CCNY: variants seen among roughly 807,000 people sequenced by gnomAD.
The protein encoded by CCNY is cyclin Y.
CCNY carries 19 observed loss-of-function variants against 42.8 expected under a neutral mutation model. That is an observed-to-expected ratio of 0.44 (90% CI 0.31 to 0.65). The LOEUF is 0.65. CCNY is among the 30% of genes least tolerant of loss of function. The pLI is 0.07. For missense variants in CCNY, 370 were observed against 437.3 expected, an observed-to-expected ratio of 0.85 and a Z score of 1.37; for synonymous variants, 165 against 162.7, an observed-to-expected ratio of 1.01 and a Z score of -0.11.
intron 8 of CCNY, among the ~76,000 whole-genome samples, chr10:35,563,223 A>G (rs1477461730): frequency 1.3e-5 from 2 of 152,108 alleles, no homozygotes; most frequent in Non-Finnish European, 2.9e-5. Context: ...ATTTTTTGAA[A>G]ATACAACAGC....
chr10:35,287,909 G>A (rs1056102979), intron 3 of CCNY, among the ~76,000 whole-genome samples: 1 of 151,920 alleles, frequency 6.6e-6, no homozygotes, highest in Non-Finnish European at 1.5e-5. Flanking sequence ...AGCCACCTCG[G>A]CCTCCCAAAG....
In CCNY at chr10:35,566,203, A is replaced by G; in HGVS notation, c.909+18A>G. On this transcript the variant is annotated intron_variant, in intron 9 of 9. Transcript: ENST00000374704. Reference sequence around the variant, plus strand: ...AGCTTGAGGTAAGATGGTTTAAAACAGCGTTTTGTGGTGCAGTGTTGCCAA... The same window carrying G: ...AGCTTGAGGTAAGATGGTTTAAAACGGCGTTTTGTGGTGCAGTGTTGCCAA... The G allele has an allele frequency of 6.2e-7, 1 of 1,608,796 alleles. No individual in the cohort carries two copies. The highest frequency in any genetic ancestry group is 8.5e-7 in the Non-Finnish European group (1 of 1,177,872).
chr10:35,510,727 T>C (rs1323628124), intron 3 of CCNY, among the ~76,000 whole-genome samples: 1 of 152,226 alleles, frequency 6.6e-6, no homozygotes, highest in African/African-American at 2.4e-5. Flanking sequence ...ATTTTATTGA[T>C]GAAGACATTG....
intron 8 of CCNY, among the ~76,000 whole-genome samples, chr10:35,554,128 A>G (rs887036675): frequency 2.0e-5 from 3 of 152,094 alleles, no homozygotes; most frequent in African/African-American, 7.2e-5. Flanking sequence ...TAATCCTCAG[A>G]TGCAGGACCT....
chr10:35,479,619 G>A (rs1839614844), intron 1 of CCNY, among the ~76,000 whole-genome samples: 6 of 125,150 alleles, frequency 4.8e-5, no homozygotes, highest in Non-Finnish European at 1.0e-4. Flanking sequence ...GGTGGGGGGA[G>A]GGGGGGGAGG....
intron 3 of CCNY, among the ~76,000 whole-genome samples, chr10:35,507,412 A>T (rs1840237199): frequency 6.6e-6 from 1 of 152,166 alleles, no homozygotes; most frequent in African/African-American, 2.4e-5. Context: ...ATATTCTCTC[A>T]CATTCTGCAC....
At chr10:35,512,589 G>A (rs1840345454) in intron 3 of CCNY, among the ~76,000 whole-genome samples, 1 of 152,178 alleles carries the variant, frequency 6.6e-6, no homozygotes, top group African/African-American at 2.4e-5. Context: ...TTGTGAATGG[G>A]GAGGGAGTGT....
chr10:35,495,628 G>A (rs961092219), intron 2 of CCNY, among the ~76,000 whole-genome samples: 4 of 152,210 alleles, frequency 2.6e-5, no homozygotes, highest in Admixed American at 2.0e-4. Context: ...CGAAATAAGA[G>A]CAGGTCCTGG....
At chr10:35,439,978 T>A (rs938818238) in intron 1 of CCNY, among the ~76,000 whole-genome samples, 1 of 151,820 alleles carries the variant, frequency 6.6e-6, no homozygotes, top group Non-Finnish European at 1.5e-5. Context: ...TTACTGGCAG[T>A]GGAGGATGAA....
chr10:35,452,725 A>G (rs1265230240), intron 1 of CCNY, among the ~76,000 whole-genome samples: 1 of 150,570 alleles, frequency 6.6e-6, no homozygotes. Context: ...TTCATTTTGG[A>G]TGTAAAATTT....
intron 3 of CCNY, among the ~76,000 whole-genome samples, chr10:35,285,963 G>C (rs1835350382): frequency 6.6e-6 from 1 of 151,808 alleles, no homozygotes; most frequent in Non-Finnish European, 1.5e-5. Context: ...CAGGCACGTG[G>C]CACCATGCAT....
intron 1 of CCNY, among the ~76,000 whole-genome samples, chr10:35,419,504 G>T (rs1838108006): frequency 6.9e-6 from 1 of 144,066 alleles, no homozygotes; most frequent in African/African-American, 2.7e-5. Flanking sequence ...TGGACCATGA[G>T]GGAAGGACTG....
chr10:35,462,807 C>T (rs1251530557), intron 1 of CCNY, among the ~76,000 whole-genome samples: 2 of 152,206 alleles, frequency 1.3e-5, no homozygotes, highest in African/African-American at 4.8e-5. Flanking sequence ...TGGGTGGTGC[C>T]CCTGTCAGGA....
chr10:35,521,904 G>A (rs929556308), intron 4 of CCNY, among the ~76,000 whole-genome samples: 4 of 152,124 alleles, frequency 2.6e-5, no homozygotes, highest in African/African-American at 9.7e-5. Context: ...GCACAGCTAA[G>A]CTGAGGAGTG....
chr10:35,317,740 G>A (rs942469092), intron 3 of CCNY, among the ~76,000 whole-genome samples: 2 of 152,200 alleles, frequency 1.3e-5, no homozygotes, highest in African/African-American at 4.8e-5. Context: ...CCAGGGAAAG[G>A]GGACGTGGGG....
chr10:35,468,547 A>G (rs1589140126), intron 1 of CCNY, among the ~76,000 whole-genome samples: 1 of 151,732 alleles, frequency 6.6e-6, no homozygotes, highest in Non-Finnish European at 1.5e-5. Context: ...AATTCATTCT[A>G]TGGTCTTTAG....
At chr10:35,522,944 G>T (rs1017313975) in intron 4 of CCNY, among the ~76,000 whole-genome samples, 3 of 152,178 alleles carry the variant, frequency 2.0e-5, no homozygotes, top group African/African-American at 7.2e-5. Context: ...CCCCACTACT[G>T]CCTTGGCTTG....
At chr10:35,322,169 C>A (rs1835829048) in intron 3 of CCNY, among the ~76,000 whole-genome samples, 1 of 152,104 alleles carries the variant, frequency 6.6e-6, no homozygotes, top group African/African-American at 2.4e-5. Context: ...TACTGGCCAA[C>A]ATGGTGAAAC....
intron 3 of CCNY, among the ~76,000 whole-genome samples, chr10:35,502,973 C>T (rs1410033066): frequency 6.6e-6 from 1 of 152,140 alleles, no homozygotes; most frequent in African/African-American, 2.4e-5. Context: ...ATGGAAGGTG[C>T]ATTGAAGAAA....
Sources: allele counts gnomAD v4.1 joint callset (sites outside exome capture counted in the v4.1 genomes callset), GRCh38; gene constraint gnomAD v4.1.1; transcripts MANE v1.5; gene names NCBI Gene and HGNC (gene_info 2026-07-23, HGNC 2026-07-21).